PRKG2: variants seen among roughly 807,000 people sequenced by gnomAD.
PRKG2 encodes the protein protein kinase cGMP-dependent 2.
A neutral mutation model predicts 97.2 loss-of-function variants in PRKG2; 33 were observed. That is an observed-to-expected ratio of 0.34 (90% confidence interval 0.26 to 0.45). The LOEUF is 0.45. PRKG2 is among the 20% of genes least tolerant of loss of function. The pLI, the probability that PRKG2 is intolerant of heterozygous loss-of-function variation, is 1.00. For synonymous variants in PRKG2, 330 were observed against 321.8 expected (o/e 1.03, Z -0.27); for missense variants, 638 against 900.0 (o/e 0.71, Z 3.73).
chr4:81,216,062 A>G (rs928793616), upstream of PRKG2, among the ~76,000 whole-genome samples: 1 of 152,044 alleles, frequency 6.6e-6, no homozygotes, highest in Non-Finnish European at 1.5e-5. Context: ...CTGTGTTGAG[A>G]GATGGAAAGT....
chr4:81,153,109 A>G (rs1244925387), intron 7 of PRKG2, among the ~76,000 whole-genome samples: 1 of 152,218 alleles, frequency 6.6e-6, no homozygotes, highest in Non-Finnish European at 1.5e-5. Context: ...TATCTAGGTA[A>G]AGAAAAAGAC....
intron 4 of PRKG2, 55 bp from the exon 5 acceptor site, chr4:81,169,823 T>C: frequency 8.7e-7 from 1 of 1,144,682 alleles, no homozygotes; most frequent in Non-Finnish European, 1.3e-6. Flanking sequence ...GTGAAAACAT[T>C]CCAAAATATA....
intron 9 of PRKG2, among the ~76,000 whole-genome samples, chr4:81,145,835 G>A (rs1747803121): frequency 1.3e-5 from 2 of 152,136 alleles, no homozygotes; most frequent in Admixed American, 1.3e-4. Flanking sequence ...TGAAAAGAGT[G>A]AGTTTACCTC....
intron 17 of PRKG2, among the ~76,000 whole-genome samples, chr4:81,103,570 C>T (rs957296232): frequency 6.6e-6 from 1 of 152,114 alleles, no homozygotes; most frequent in South Asian, 2.1e-4. Context: ...AAATAGAATA[C>T]TTTTTCACAG....
chr4:81,211,570 T>C (rs1164322277), intron 1 of PRKG2, among the ~76,000 whole-genome samples: 3 of 152,158 alleles, frequency 2.0e-5, no homozygotes, highest in Admixed American at 6.5e-5. Context: ...ATTTGTCCTT[T>C]AGGAAAATAA....
At chr4:81,162,641 A>G (rs1383171825) in intron 6 of PRKG2, among the ~76,000 whole-genome samples, 1 of 152,124 alleles carries the variant, frequency 6.6e-6, no homozygotes, top group African/African-American at 2.4e-5. Flanking sequence ...TAGTTTGCTT[A>G]CTCAAACCCT....
intron 14 of PRKG2, among the ~76,000 whole-genome samples, chr4:81,118,940 G>GC (rs1744814654): frequency 6.6e-6 from 1 of 152,138 alleles, no homozygotes; most frequent in Non-Finnish European, 1.5e-5. Flanking sequence ...GACTGCAGGT[G>GC]TGAGCCACCA....
intron 17 of PRKG2, among the ~76,000 whole-genome samples, chr4:81,095,412 T>C (rs1013983099): frequency 6.6e-6 from 1 of 152,186 alleles, no homozygotes; most frequent in Non-Finnish European, 1.5e-5. Context: ...CACAGTTCTA[T>C]GGATTCTTTT....
In PRKG2 at chr4:81,174,966, T is replaced by C. The variant is rs1188207889; in HGVS notation, c.462-7A>G. On this transcript the variant is annotated splice_region_variant and splice_polypyrimidine_tract_variant and intron_variant, in intron 2 of 18. Coordinates refer to ENST00000264399, the MANE Select transcript of PRKG2 (RefSeq NM_006259.3). ...TGTAATGAGCTTCTTCTCACTGGTA[T>C]AATGGAAAAGAGATGTTAGTTACAA... The C allele has an allele frequency of 1.9e-6, 3 of 1,591,540 alleles. No homozygotes were observed. The highest frequency in any genetic ancestry group is 2.2e-5 in the East Asian group (1 of 44,612).
intron 2 of PRKG2, among the ~76,000 whole-genome samples, chr4:81,192,670 T>C (rs1322145537): frequency 1.3e-5 from 2 of 152,176 alleles, no homozygotes; most frequent in African/African-American, 4.8e-5. Context: ...GCCAGTAACT[T>C]AATAAATGGT....
intron 6 of PRKG2, among the ~76,000 whole-genome samples, chr4:81,164,687 G>A (rs973107799): frequency 1.3e-5 from 2 of 152,050 alleles, no homozygotes; most frequent in Non-Finnish European, 2.9e-5. Context: ...TAAGTGTGGG[G>A]TGGTGCCTGG....
intron 9 of PRKG2, among the ~76,000 whole-genome samples, chr4:81,144,612 T>TATA (rs1560576107): frequency 8.0e-4 from 99 of 123,254 alleles, no homozygotes; most frequent in African/African-American, 5.6e-3. Context: ...ATATATATAT[T>TATA]TTTTTTTTAT....
chr4:81,142,982 C>CAG lies in PRKG2; in HGVS notation c.1254-36_1254-35insCT, dbSNP rs763599688. The CAG allele has an allele frequency of 4.4e-5, 69 of 1,557,248 alleles. 1 individual carries two copies. The South Asian group carries it at 7.4e-4, about 17-fold the overall frequency. ...AGAAGTGAAACTTTACACACACACA[C>CAG]CCATAATTAAGAAGGTGTCATGCCA... On this transcript the variant is annotated intron_variant, in intron 10 of 18. Transcript: ENST00000264399.
At chr4:81,147,292 A>G (rs1215425850) in intron 9 of PRKG2, among the ~76,000 whole-genome samples, 2 of 152,180 alleles carry the variant, frequency 1.3e-5, no homozygotes, top group Non-Finnish European at 2.9e-5. Context: ...GCATCCATTT[A>G]TAATATTTTA....
intron 14 of PRKG2, among the ~76,000 whole-genome samples, chr4:81,128,420 T>C (rs1245110967): frequency 6.6e-6 from 1 of 152,196 alleles, no homozygotes; most frequent in Non-Finnish European, 1.5e-5. Flanking sequence ...CAGCTCCTCT[T>C]TGTACCTCTG....
chr4:81,189,075 A>T (rs1191800567), intron 2 of PRKG2, among the ~76,000 whole-genome samples: 1 of 109,048 alleles, frequency 9.2e-6, no homozygotes, highest in Non-Finnish European at 1.6e-5. Context: ...ATAAAAAAAA[A>T]AAAAAAAAAA....
At chr4:81,193,328 C>A (rs1250483063) in intron 2 of PRKG2, 1 of 152,152 alleles carries the variant, frequency 6.6e-6, no homozygotes, top group Admixed American at 6.6e-5. Context: ...AACTGCGGAA[C>A]CTTAGGCAAG....
chr4:81,120,300 C>A (rs1205925272), intron 14 of PRKG2, among the ~76,000 whole-genome samples: 2 of 152,204 alleles, frequency 1.3e-5, no homozygotes, highest in African/African-American at 4.8e-5. Flanking sequence ...CCATGAGGCA[C>A]CCCGGGAGTC....
intron 1 of PRKG2, among the ~76,000 whole-genome samples, chr4:81,210,151 T>A (rs570325612): frequency 6.6e-6 from 1 of 151,528 alleles, no homozygotes; most frequent in East Asian, 1.9e-4. Flanking sequence ...ATAGGAGAAA[T>A]TCTAGGTGAT....
Sources: allele counts gnomAD v4.1 joint callset (sites outside exome capture counted in the v4.1 genomes callset), GRCh38; gene constraint gnomAD v4.1.1; transcripts MANE v1.5; gene names NCBI Gene and HGNC (gene_info 2026-07-23, HGNC 2026-07-21).